Variants in GPATCH2 observed in about 807,000 individuals in gnomAD.
GPATCH2 encodes the protein G-patch domain containing 2.
Under a neutral mutation model 58.0 loss-of-function variants are expected in GPATCH2, and 51 were observed. That is an observed-to-expected ratio of 0.88 (90% CI 0.70 to 1.11). The LOEUF (loss-of-function observed/expected upper bound fraction) is 1.11, where lower values mean the gene tolerates loss of function less well. Among genes scored for constraint, GPATCH2 ranks in the 50% most tolerant of loss-of-function variants. The pLI is 0.00. For missense variants in GPATCH2, 625 were observed against 652.2 expected, an observed-to-expected ratio of 0.96 and a Z score of 0.45; for synonymous variants, 222 against 218.5, an observed-to-expected ratio of 1.02 and a Z score of -0.14.
intron 1 of GPATCH2, among the ~76,000 whole-genome samples, chr1:217,626,300 C>T (rs1168230566): frequency 4.6e-5 from 7 of 152,116 alleles, no homozygotes; most frequent in African/African-American, 1.7e-4. Flanking sequence ...ACACACAGTA[C>T]ATAGTCAAGG....
chr1:217,474,016 C>G (rs900981071), intron 8 of GPATCH2, among the ~76,000 whole-genome samples: 6 of 152,022 alleles, frequency 3.9e-5, no homozygotes, highest in African/African-American at 1.4e-4. Flanking sequence ...ATTATGCATC[C>G]TATGTGAGAA....
At chr1:217,493,999 G>A (rs909369177) in intron 7 of GPATCH2, among the ~76,000 whole-genome samples, 1 of 152,088 alleles carries the variant, frequency 6.6e-6, no homozygotes, top group Non-Finnish European at 1.5e-5. Context: ...TTTGAAAAAT[G>A]CAATTATAAG....
chr1:217,560,672 C>T (rs998950904), intron 5 of GPATCH2, among the ~76,000 whole-genome samples: 1 of 152,176 alleles, frequency 6.6e-6, no homozygotes, highest in Non-Finnish European at 1.5e-5. Flanking sequence ...ATTTCTCAAC[C>T]CCTGCATGAT....
Position 217,614,161 on chromosome 1 carries a change from G to T in GPATCH2, c.815C>A (p.Thr272Asn). The T allele has an allele frequency of 6.3e-7, 1 of 1,578,412 alleles. No individual in the cohort carries two copies. Among genetic ancestry groups the T allele is most frequent in the Non-Finnish European group, 8.7e-7 (1 of 1,147,774 alleles). ...SLSSTDAGLFTNDEGRQGDDE... is the reference protein window; with the variant it reads ...SLSSTDAGLFNNDEGRQGDDE... ...AGTACCTTGTCTTCCCTCATCATTG[G>T]TAAACAATCCAGCATCAGTGCTGCT... The change falls in exon 3 of 10, where the codon ACC (threonine) becomes AAC (asparagine). Residue 272 changes from threonine to asparagine, a missense_variant. Transcript: ENST00000366935.
chr1:217,614,409 G>T (rs1269478314), intron 2 of GPATCH2, among the ~76,000 whole-genome samples: 2 of 151,964 alleles, frequency 1.3e-5, no homozygotes, highest in East Asian at 1.9e-4. Context: ...TAAAACCACA[G>T]GAATCTAATG....
chr1:217,577,736 CTTATTA>C (rs376671860), intron 5 of GPATCH2, among the ~76,000 whole-genome samples: 1 of 146,064 alleles, frequency 6.8e-6, no homozygotes, highest in Non-Finnish European at 1.5e-5. Context: ...TCTGGTTTTA[CTTATTA>C]TTATTATTAT....
intron 5 of GPATCH2, among the ~76,000 whole-genome samples, chr1:217,528,174 A>G (rs916571210): frequency 6.6e-6 from 1 of 152,236 alleles, no homozygotes; most frequent in Non-Finnish European, 1.5e-5. Flanking sequence ...TAGGCAACAA[A>G]GGTTCAGAAA....
At chr1:217,484,366 G>A (rs1169129402) in intron 8 of GPATCH2, among the ~76,000 whole-genome samples, 3 of 151,698 alleles carry the variant, frequency 2.0e-5, no homozygotes, top group Non-Finnish European at 4.4e-5. Flanking sequence ...CTTGGGTCTC[G>A]AGTCTGTCGA....
chr1:217,432,557 C>A (rs1658593163), intron 9 of GPATCH2, among the ~76,000 whole-genome samples: 1 of 152,110 alleles, frequency 6.6e-6, no homozygotes, highest in South Asian at 2.1e-4. Context: ...TTGGCTCTTT[C>A]CTTGACTGGT....
chr1:217,611,163 T>C, intron 3 of GPATCH2, 92 bp from the exon 4 acceptor site: 1 of 1,146,986 alleles, frequency 8.7e-7, no homozygotes, highest in Non-Finnish European at 1.2e-6. Flanking sequence ...AAATACAAGA[T>C]GGCAGTTAAA....
At chr1:217,527,808 T>C (rs547229373) in intron 5 of GPATCH2, among the ~76,000 whole-genome samples, 2 of 152,360 alleles carry the variant, frequency 1.3e-5, no homozygotes, top group African/African-American at 4.8e-5. Flanking sequence ...AACTACTTCA[T>C]ATGTCCAGCA....
intron 5 of GPATCH2, chr1:217,608,753 A>G: frequency 1.0e-6 from 1 of 982,748 alleles, no homozygotes; most frequent in Non-Finnish European, 1.2e-6. Flanking sequence ...GTAATTCAGA[A>G]AAAAAACATG....
At chr1:217,482,974 G>T (rs1335089720) in intron 8 of GPATCH2, among the ~76,000 whole-genome samples, 1 of 152,074 alleles carries the variant, frequency 6.6e-6, no homozygotes, top group African/African-American at 2.4e-5. Flanking sequence ...AGTAGTTTAT[G>T]TTTCCTAGAA....
intron 5 of GPATCH2, among the ~76,000 whole-genome samples, chr1:217,551,027 T>C (rs904524932): frequency 1.3e-5 from 2 of 151,664 alleles, no homozygotes; most frequent in Admixed American, 6.6e-5. Flanking sequence ...TATAAATCTG[T>C]TAAAAATTCA....
At chr1:217,587,603 T>C (rs1373936087) in intron 5 of GPATCH2, among the ~76,000 whole-genome samples, 1 of 152,078 alleles carries the variant, frequency 6.6e-6, no homozygotes, top group Non-Finnish European at 1.5e-5. Flanking sequence ...GTATGAACAG[T>C]AGTGTGAAAT....
intron 5 of GPATCH2, among the ~76,000 whole-genome samples, chr1:217,600,121 G>T (rs12116726): frequency 0.14 from 20,937 of 152,078 alleles, 1,597 homozygotes; most frequent in Non-Finnish European, 0.18. Context: ...TAAATATGAA[G>T]TTCTAAGAGG....
intron 5 of GPATCH2, among the ~76,000 whole-genome samples, chr1:217,566,733 G>A (rs1296139201): frequency 6.6e-6 from 1 of 152,196 alleles, no homozygotes; most frequent in Non-Finnish European, 1.5e-5. Flanking sequence ...TAAAGGATGA[G>A]TACAAATTAC....
intron 8 of GPATCH2, among the ~76,000 whole-genome samples, chr1:217,461,801 G>C (rs1660211337): frequency 6.6e-6 from 1 of 151,972 alleles, no homozygotes; most frequent in African/African-American, 2.4e-5. Context: ...ACATAATTTT[G>C]CATTTCACTA....
chr1:217,527,414 G>T lies in GPATCH2; in HGVS notation c.1099-12525C>A, dbSNP rs138222207. ...GAAAGTTCTTTAAGTGACTGACTCA[G>T]TTGGCATGTGCCTTGTGCCCTTCTT... is the stretch of plus-strand genomic sequence containing the variant. On this transcript the variant is annotated intron_variant, in intron 5 of 9. Coordinates refer to ENST00000366935, the MANE Select transcript of GPATCH2 (RefSeq NM_018040.5). Among the ~76,000 whole-genome samples, 120 of 152,062 alleles carry T rather than the reference G, an allele frequency of 7.9e-4. 1 individual carries two copies. Among genetic ancestry groups the T allele is most frequent in the African/African-American group, 2.6e-3 (108 of 41,462 alleles).
Sources: allele counts gnomAD v4.1 joint callset (sites outside exome capture counted in the v4.1 genomes callset), GRCh38; gene constraint gnomAD v4.1.1; transcripts MANE v1.5; gene names NCBI Gene and HGNC (gene_info 2026-07-23, HGNC 2026-07-21).